MGST1: variants seen among roughly 807,000 people sequenced by gnomAD.
MGST1 encodes the protein glutathione S-transferase 12.
MGST1 carries 5 observed loss-of-function variants against 8.9 expected under a neutral mutation model. The ratio of observed to expected loss-of-function variants is 0.56; its 90% confidence interval spans 0.29 to 1.19. MGST1 has a LOEUF of 1.19. MGST1 is among the 50% of genes most tolerant of loss of function. The probability of loss-of-function intolerance (pLI) is 0.08; values close to 1 mark genes in which losing one functional copy is unlikely to be tolerated. For synonymous variants in MGST1, 54 were observed against 67.8 expected (o/e 0.80, Z 1.00); for missense variants, 182 against 187.4 (o/e 0.97, Z 0.17).
chr12:16,449,734 A>G (rs1409132278), intron 4 of MGST1, among the ~76,000 whole-genome samples: 1 of 151,954 alleles, frequency 6.6e-6, no homozygotes, highest in Admixed American at 6.6e-5. Flanking sequence ...GAACCATATA[A>G]TTAGCTCCAT....
chr12:16,541,479 C>T (rs1369403473), intron 4 of MGST1, among the ~76,000 whole-genome samples: 1 of 152,292 alleles, frequency 6.6e-6, no homozygotes, highest in East Asian at 1.9e-4. Context: ...TATTTCTCTG[C>T]ATCCTTTTTC....
chr12:16,422,366 C>T (rs898366273), intron 1 of MGST1, among the ~76,000 whole-genome samples: 2 of 152,148 alleles, frequency 1.3e-5, no homozygotes, highest in Non-Finnish European at 2.9e-5. Context: ...CCCCTTACTA[C>T]TTTCAGGGCC....
At chr12:16,394,738 A>T (rs1420019035) in intron 1 of MGST1, among the ~76,000 whole-genome samples, 1 of 151,956 alleles carries the variant, frequency 6.6e-6, no homozygotes, top group East Asian at 1.9e-4. Flanking sequence ...CTGGGACTAT[A>T]GGTGCCTGCC....
At chr12:16,386,855 C>T (rs528958406) in intron 1 of MGST1, among the ~76,000 whole-genome samples, 20 of 152,278 alleles carry the variant, frequency 1.3e-4, no homozygotes, top group African/African-American at 2.2e-4. Context: ...CAACTCCATC[C>T]GGCCTGGGAT....
intron 4 of MGST1, among the ~76,000 whole-genome samples, chr12:16,450,441 A>G (rs2137112241): frequency 6.6e-6 from 1 of 152,090 alleles, no homozygotes; most frequent in South Asian, 2.1e-4. Flanking sequence ...ATTGTTCTTG[A>G]TGACTGAAAC....
chr12:16,499,322 T>C (rs1046917426), intron 4 of MGST1, among the ~76,000 whole-genome samples: 1 of 152,214 alleles, frequency 6.6e-6, no homozygotes, highest in Admixed American at 6.5e-5. Flanking sequence ...GTTTTCTCTA[T>C]AAAGAATATT....
chr12:16,561,840 A>G (rs990173057), intron 4 of MGST1, among the ~76,000 whole-genome samples: 2 of 152,222 alleles, frequency 1.3e-5, no homozygotes, highest in South Asian at 4.1e-4. Flanking sequence ...CTTGAAGAGC[A>G]TAAGCGCCTT....
At chr12:16,562,423 A>C (rs1942439341) in intron 4 of MGST1, among the ~76,000 whole-genome samples, 1 of 152,216 alleles carries the variant, frequency 6.6e-6, no homozygotes, top group African/African-American at 2.4e-5. Flanking sequence ...CAGTTTGTTC[A>C]TATCTAATAA....
At chr12:16,399,843 C>T in intron 1 of MGST1, 1 of 1,226,220 alleles carries the variant, frequency 8.2e-7, no homozygotes, top group South Asian at 1.2e-5. Flanking sequence ...TTGCTGTAGT[C>T]CTTGTAGACA....
chr12:16,543,901 T>TAA (rs1941806525), intron 4 of MGST1, among the ~76,000 whole-genome samples: 1 of 152,122 alleles, frequency 6.6e-6, no homozygotes, highest in South Asian at 2.1e-4. Flanking sequence ...TATCCTTAAT[T>TAA]AAGACTGGGG....
chr12:16,427,721 A>C (rs1264518064), intron 1 of MGST1, among the ~76,000 whole-genome samples: 2 of 152,194 alleles, frequency 1.3e-5, no homozygotes, highest in African/African-American at 4.8e-5. Context: ...TACCTAAAGG[A>C]ATATGACTTG....
chr12:16,400,579 T>A, intron 1 of MGST1: 1 of 972,182 alleles, frequency 1.0e-6, no homozygotes, highest in South Asian at 1.3e-5. Context: ...ATTCTGAAGG[T>A]TCAAGGCTGG....
intron 4 of MGST1, chr12:16,514,375 C>A: frequency 3.5e-6 from 1 of 284,222 alleles, no homozygotes; most frequent in Non-Finnish European, 7.0e-6. Context: ...ATTCTGAATG[C>A]TCCAGATTTG....
chr12:16,415,005 C>T (rs1472262261), intron 1 of MGST1, among the ~76,000 whole-genome samples: 1 of 152,046 alleles, frequency 6.6e-6, no homozygotes, highest in African/African-American at 2.4e-5. Flanking sequence ...GCTTGGCCAA[C>T]AAGAGCAAAA....
In MGST1 at chr12:16,369,892, A is replaced by T. The variant is rs764901199; in HGVS notation, c.222-6230A>T. The T allele has an allele frequency of 1.3e-5, 2 of 152,244 alleles. No homozygotes were observed. The highest frequency in any genetic ancestry group is 2.9e-5 in the Non-Finnish European group (2 of 68,068). 9.4% of individuals were successfully genotyped at this position (152,244 alleles called of 1,614,324 possible). On this transcript the variant is annotated intron_variant, in intron 3 of 3. Coordinates refer to the MGST1 transcript ENST00000535309. This position sits in a 1 kb window ranked among gnomAD's most constrained non-coding sequence, Gnocchi z 4.8. Reference sequence around the variant, plus strand: ...CATGCCCTTGGCCAGAGAAAGTCACAGGGCTGGCCTCAGAACTAAAGTGCT... The same window carrying T: ...CATGCCCTTGGCCAGAGAAAGTCACTGGGCTGGCCTCAGAACTAAAGTGCT...
chr12:16,412,574 A>G (rs1198488836), intron 1 of MGST1, among the ~76,000 whole-genome samples: 2 of 152,162 alleles, frequency 1.3e-5, no homozygotes, highest in African/African-American at 4.8e-5. Context: ...TGTAGCTCCC[A>G]TAATGCCCAC....
intron 4 of MGST1, among the ~76,000 whole-genome samples, chr12:16,465,114 C>T (rs1480920517): frequency 6.6e-6 from 1 of 152,122 alleles, no homozygotes; most frequent in Non-Finnish European, 1.5e-5. Context: ...TCTTTATTGA[C>T]TTAAATTTGA....
At chr12:16,427,096 A>G (rs1935908501) in intron 1 of MGST1, among the ~76,000 whole-genome samples, 1 of 152,194 alleles carries the variant, frequency 6.6e-6, no homozygotes, top group South Asian at 2.1e-4. Context: ...AATTAAGTTG[A>G]CAATTTGCAG....
At chr12:16,456,494 C>CA (rs1479226491) in intron 4 of MGST1, among the ~76,000 whole-genome samples, 1 of 151,916 alleles carries the variant, frequency 6.6e-6, no homozygotes, top group Non-Finnish European at 1.5e-5. Flanking sequence ...CATACCCTCT[C>CA]AGACAATGGG....
Sources: allele counts gnomAD v4.1 joint callset (sites outside exome capture counted in the v4.1 genomes callset), GRCh38; gene constraint gnomAD v4.1.1; non-coding constraint Gnocchi (gnomAD v3.1); transcripts MANE v1.5; gene names NCBI Gene and HGNC (gene_info 2026-07-23, HGNC 2026-07-21).